MED13: variants seen among roughly 807,000 people sequenced by gnomAD.
MED13 encodes the protein mediator of RNA polymerase II transcription subunit 13.
MED13 carries 23 observed loss-of-function variants against 225.2 expected under a neutral mutation model. That is an observed-to-expected ratio of 0.10 (90% CI 0.07 to 0.14). MED13 has a LOEUF of 0.14. Ranked by LOEUF, MED13 falls within the 10% of genes least tolerant of loss-of-function variation. The pLI is 1.00. For missense variants in MED13, 2,197 were observed against 2,594.5 expected (o/e 0.85, Z 3.33); for synonymous variants, 942 against 889.2 (o/e 1.06, Z -1.06).
chr17:62,022,447 C>A (rs72843782), intron 8 of MED13, among the ~76,000 whole-genome samples: 10,131 of 151,898 alleles, frequency 0.067, 585 homozygotes, highest in South Asian at 0.31. Flanking sequence ...TATGATACTT[C>A]CATTCAGTGG....
chr17:61,961,588 A>G lies in MED13; in HGVS notation c.5256T>C (p.Asp1752=), dbSNP rs372636975. The G allele has an allele frequency of 1.7e-5, 28 of 1,611,524 alleles. No homozygotes were observed. The South Asian group carries it at 2.2e-4, about 13-fold the overall frequency. ...TCGGTCATGAAAAACATATACTTACATCAGGACTTCTAAGGGCAGTTTCCA... is the reference window on the plus strand; with the variant it reads ...TCGGTCATGAAAAACATATACTTACGTCAGGACTTCTAAGGGCAGTTTCCA... ...LAMETALRSP[D]RPECIRLYAP... Residue 1752 remains aspartate, a splice_region_variant and synonymous_variant, in exon 22 of 30, where the codon GAT becomes GAC. Transcript: ENST00000397786.
At position 62,057,343 on chromosome 17, in the gene MED13, A is replaced by C. The variant is rs753586446; in HGVS notation, c.302-4638T>G. Among the ~76,000 whole-genome samples the C allele has an allele frequency of 6.6e-5, 10 of 152,212 alleles. No individual in the cohort carries two copies. In the South Asian group the frequency reaches 1.7e-3, roughly 25 times the overall value. On this transcript the variant is annotated intron_variant, in intron 2 of 29. Coordinates refer to ENST00000397786, the MANE Select transcript of MED13 (RefSeq NM_005121.3). ...CATCATTATCTATGGCAAAACTTGAAAACTGATTTAAAAACAGCCTAGTAT... is the reference window on the plus strand; with the variant it reads ...CATCATTATCTATGGCAAAACTTGACAACTGATTTAAAAACAGCCTAGTAT...
intron 3 of MED13, among the ~76,000 whole-genome samples, chr17:62,051,466 T>C (rs1036409455): frequency 2.0e-5 from 3 of 152,186 alleles, no homozygotes; most frequent in Admixed American, 6.5e-5. Flanking sequence ...ATAAGCCAAG[T>C]AGTTAATGTT....
rs532593278 is a variant in MED13, at chr17:61,982,775, G to C, written c.3228C>G (p.Ile1076Met). Residue 1076 changes from isoleucine (I) to methionine (M), a missense_variant, in exon 16 of 30, where the codon ATC (isoleucine) becomes ATG (methionine). Transcript: ENST00000397786. ...PEAHSLYVNL[I>M]LSESVMNLFK... The stretch of plus-strand genomic sequence containing the variant: ...ACAAATTCATAACTGATTCTGAAAG[G>C]ATGAGGTTTACATAAAGACTGTGTG... 1 of 1,614,058 alleles carries C rather than the reference G, an allele frequency of 6.2e-7. No individual in the cohort carries two copies. The highest frequency in any genetic ancestry group is 8.5e-7 in the Non-Finnish European group (1 of 1,180,026).
At position 61,984,259 on chromosome 17, in the gene MED13, G is replaced by T; in HGVS notation, c.2800C>A (p.Pro934Thr). Reference sequence around the variant, plus strand: ...CTCTGACGGTAAATACACTCTTCTGGCAATTTGATAGGGGGCAGATATTGG... The same window carrying T: ...CTCTGACGGTAAATACACTCTTCTGTCAATTTGATAGGGGGCAGATATTGG... ...PSQYLPPIKL[P>T]EECIYRQSWT... The change falls in exon 15 of 30, where the codon CCA becomes ACA. Residue 934 changes from proline to threonine, a missense_variant. Physicochemically the swap from Pro to Thr is conservative, Grantham distance 38 (BLOSUM62 -1). Transcript: ENST00000397786. The T allele has an allele frequency of 6.2e-7, 1 of 1,611,642 alleles. No individual in the cohort carries two copies. Among genetic ancestry groups the T allele is most frequent in the Non-Finnish European group, 8.5e-7 (1 of 1,179,074 alleles).
chr17:62,036,466 T>G (rs72843788), intron 3 of MED13, among the ~76,000 whole-genome samples: 11,255 of 152,162 alleles, frequency 0.074, 621 homozygotes, highest in South Asian at 0.31. Context: ...CAGAGGAGGA[T>G]AAGAGTGTAC....
chr17:62,024,025 T>C (rs1224481375), intron 8 of MED13, among the ~76,000 whole-genome samples: 2 of 150,576 alleles, frequency 1.3e-5, no homozygotes, highest in Non-Finnish European at 3.0e-5. Context: ...AAAAATGACT[T>C]TTTTTTTTTT....
chr17:62,035,510 C>T lies in MED13; in HGVS notation c.569G>A (p.Ser190Asn). 6.2e-7 allele frequency: 1 copy of T among 1,613,494 alleles called. No individual in the cohort carries two copies. The highest frequency in any genetic ancestry group is 8.5e-7 in the Non-Finnish European group (1 of 1,179,580). The change falls in exon 4 of 30, where the codon AGT becomes AAT. Residue 190 changes from serine to asparagine, a missense_variant. Physicochemically the swap from Ser to Asn is conservative, Grantham distance 46. Coordinates refer to ENST00000397786, the MANE Select transcript of MED13 (RefSeq NM_005121.3). ...INQHQPVYLLSEEHITLAQQS... is the reference protein window; with the variant it reads ...INQHQPVYLLNEEHITLAQQS... The stretch of plus-strand genomic sequence containing the variant: ...TTGAGCAAGGGTGATATGCTCTTCA[C>T]TGAGAAGGTATACAGGTTGATGTTG...
intron 27 of MED13, among the ~76,000 whole-genome samples, chr17:61,951,897 AT>A (rs1284301288): frequency 6.6e-6 from 1 of 151,984 alleles, no homozygotes; most frequent in Non-Finnish European, 1.5e-5. Context: ...AGTATATATA[AT>A]TTCTTTTCTT....
intron 28 of MED13, among the ~76,000 whole-genome samples, chr17:61,949,589 CAG>C (rs1567936399): frequency 6.7e-6 from 1 of 148,306 alleles, no homozygotes; most frequent in African/African-American, 2.5e-5. Context: ...AAAAACCACT[CAG>C]TTTTTTTTTA....
intron 26 of MED13, among the ~76,000 whole-genome samples, chr17:61,954,342 C>T (rs2079922915): frequency 6.6e-6 from 1 of 152,074 alleles, no homozygotes; most frequent in Admixed American, 6.6e-5. Context: ...AAGCTACGTC[C>T]CTACTTTGGC....
Position 61,995,314 on chromosome 17 carries a change from C to T in MED13, c.2019G>A (p.Gln673=), listed in dbSNP as rs377284472. The T allele has an allele frequency of 1.3e-5, 21 of 1,613,514 alleles. No homozygotes were observed. The African/African-American group carries it at 2.3e-4, about 17-fold the overall frequency. Residue 673 remains glutamine (Q), a synonymous_variant, in exon 10 of 30, where the codon CAG becomes CAA. Coordinates refer to ENST00000397786, the MANE Select transcript of MED13 (RefSeq NM_005121.3). ...GACACTGGTTTTTAATTTGATATTGCTGCACTAATTCATCAGAAACTTTTA... is the reference window on the plus strand; with the variant it reads ...GACACTGGTTTTTAATTTGATATTGTTGCACTAATTCATCAGAAACTTTTA... The part of the protein sequence containing the change: ...KPLKVSDELV[Q]QYQIKNQCLS...
At chr17:62,045,823 C>T (rs2080892926) in intron 3 of MED13, among the ~76,000 whole-genome samples, 1 of 152,204 alleles carries the variant, frequency 6.6e-6, no homozygotes, top group Non-Finnish European at 1.5e-5. Context: ...GGATTCTTTA[C>T]AGGTAACCTA....
chr17:61,995,473 C>T, intron 9 of MED13, 108 bp from the exon 10 acceptor site: 1 of 661,980 alleles, frequency 1.5e-6, no homozygotes, highest in Non-Finnish European at 2.4e-6. Flanking sequence ...ATTATCTAAC[C>T]TACAATCCCT....
intron 2 of MED13, among the ~76,000 whole-genome samples, chr17:62,062,604 A>ACACACACACACACAC (rs1568010398): frequency 3.5e-5 from 2 of 56,946 alleles, no homozygotes; most frequent in African/African-American, 3.1e-4. Context: ...CACACACCAC[A>ACACACACACACACAC]CACACACACA....
At chr17:61,968,338 T>C (rs915739018) in intron 17 of MED13, 80 bp from the exon 18 acceptor site, 9 of 1,070,194 alleles carry the variant, frequency 8.4e-6, no homozygotes, top group Non-Finnish European at 1.1e-5. Flanking sequence ...TATTTATTTA[T>C]TTTTTGAGAC....
At chr17:62,051,347 G>A (rs1303375323) in intron 3 of MED13, among the ~76,000 whole-genome samples, 1 of 152,024 alleles carries the variant, frequency 6.6e-6, no homozygotes, top group African/African-American at 2.4e-5. Context: ...AAATGGCACA[G>A]AGAAAACTCT....
intron 10 of MED13, among the ~76,000 whole-genome samples, chr17:61,993,098 A>T (rs1451567319): frequency 1.3e-5 from 2 of 150,832 alleles, no homozygotes; most frequent in Non-Finnish European, 2.9e-5. Flanking sequence ...AAAAGTAGAG[A>T]CTCTAATGTG....
At chr17:61,996,441 T>C (rs2080347575) in intron 9 of MED13, among the ~76,000 whole-genome samples, 1 of 152,190 alleles carries the variant, frequency 6.6e-6, no homozygotes, top group Non-Finnish European at 1.5e-5. Flanking sequence ...CCAAAGTCCT[T>C]ATACCATCCT....
Sources: allele counts gnomAD v4.1 joint callset (sites outside exome capture counted in the v4.1 genomes callset), GRCh38; gene constraint gnomAD v4.1.1; transcripts MANE v1.5; gene names NCBI Gene and HGNC (gene_info 2026-07-23, HGNC 2026-07-21).